PARD3: variants seen among roughly 807,000 people sequenced by gnomAD.
PARD3 encodes the protein par-3 family cell polarity regulator, also known as partitioning defective 3 homolog.
PARD3 carries 75 observed loss-of-function variants against 155.4 expected under a neutral mutation model. The observed-to-expected ratio is 0.48, with a 90% CI of 0.40 to 0.58. The LOEUF (loss-of-function observed/expected upper bound fraction) is 0.58. Among genes scored for constraint, PARD3 ranks in the 20% least tolerant of loss-of-function variants. The pLI is 0.00. For synonymous variants in PARD3, 576 were observed against 610.5 expected (o/e 0.94, Z 0.83); for missense variants, 1,642 against 1,721.7 (o/e 0.95, Z 0.82).
chr10:34,724,945 T>C (rs1198793625), intron 1 of PARD3, among the ~76,000 whole-genome samples: 1 of 152,152 alleles, frequency 6.6e-6, no homozygotes, highest in Non-Finnish European at 1.5e-5. Context: ...CATCAGCTCA[T>C]TCAGTACAAG....
At chr10:34,422,116 AG>A (rs1438513343) in intron 5 of PARD3, among the ~76,000 whole-genome samples, 2 of 152,154 alleles carry the variant, frequency 1.3e-5, no homozygotes, top group Non-Finnish European at 2.9e-5. Flanking sequence ...TAGGAATCTC[AG>A]TTTATGAATA....
chr10:34,140,258 G>GA (rs950762658), intron 22 of PARD3, among the ~76,000 whole-genome samples: 15 of 152,118 alleles, frequency 9.9e-5, no homozygotes, highest in Admixed American at 3.3e-4. Flanking sequence ...TCTTCTTGGA[G>GA]AAAAAACCTT....
At chr10:34,788,182 T>C (rs924082213) in intron 1 of PARD3, among the ~76,000 whole-genome samples, 1 of 152,100 alleles carries the variant, frequency 6.6e-6, no homozygotes, top group African/African-American at 2.4e-5. Flanking sequence ...TCAGGAAACT[T>C]TTGAATTTCA....
chr10:34,771,252 T>G (rs9418118), intron 1 of PARD3, among the ~76,000 whole-genome samples: 38,867 of 152,144 alleles, frequency 0.26, 5,403 homozygotes, highest in East Asian at 0.53. Flanking sequence ...AATGGTTACA[T>G]CAGGAAGAAA....
intron 2 of PARD3, among the ~76,000 whole-genome samples, chr10:34,639,024 T>C (rs533552474): frequency 2.0e-5 from 3 of 152,318 alleles, no homozygotes; most frequent in East Asian, 3.9e-4. Context: ...TAGCATAATG[T>C]CTAAAATTTC....
At position 34,515,204 on chromosome 10, in the gene PARD3, C is replaced by T. The variant is rs144444752; in HGVS notation, c.403+1775G>A. ...TACCACCTGCACATCATTTTGTATA[C>T]GCTGTATGGTACATGCCTCACCTTT... On this transcript the variant is annotated intron_variant, in intron 3 of 24. Coordinates refer to ENST00000374788, the MANE Select transcript of PARD3 (RefSeq NM_001184785.2). 8.5e-5 allele frequency among the ~76,000 whole-genome samples: 13 copies of T among 152,256 alleles called. No homozygotes were observed. In the East Asian group the frequency reaches 1.9e-3, roughly 23 times the overall value.
Position 34,337,297 on chromosome 10 carries a change from T to C in PARD3, c.2538A>G (p.Lys846=). The C allele has an allele frequency of 6.3e-7, 1 of 1,599,788 alleles. No homozygotes were observed. The highest frequency in any genetic ancestry group is 1.7e-5 in the Admixed American group (1 of 57,342). ...ASQLDFVKTR[K]SKSMDLGIAD... is the part of the protein sequence containing the mutation. ...CACTACCTAAATCCATGCTTTTTGA[T>C]TTTCGTGTTTTAACGAAATCCAATT... The change falls in exon 17 of 25, where the codon AAA becomes AAG. Residue 846 remains lysine (K), a synonymous_variant. Transcript: ENST00000374788.
At chr10:34,347,427 G>A (rs144520007) in intron 15 of PARD3, among the ~76,000 whole-genome samples, 70 of 152,030 alleles carry the variant, frequency 4.6e-4, no homozygotes, top group Admixed American at 3.0e-3. Context: ...GACTAGTTTC[G>A]CGATTTTAAA....
intron 22 of PARD3, among the ~76,000 whole-genome samples, chr10:34,136,939 T>G (rs527474000): frequency 1.3e-5 from 2 of 152,198 alleles, no homozygotes; most frequent in South Asian, 4.1e-4. Flanking sequence ...CCATTCAACA[T>G]GTACATATCT....
chr10:34,742,315 G>A (rs991207060), intron 1 of PARD3, among the ~76,000 whole-genome samples: 2 of 152,152 alleles, frequency 1.3e-5, no homozygotes, highest in African/African-American at 4.8e-5. Flanking sequence ...CAGTAGTCAC[G>A]ATAAATATCA....
intron 1 of PARD3, among the ~76,000 whole-genome samples, chr10:34,727,700 A>G (rs1412744746): frequency 6.6e-6 from 1 of 152,030 alleles, no homozygotes; most frequent in African/African-American, 2.4e-5. Flanking sequence ...CCAATCACAC[A>G]CACTGTTGCC....
intron 3 of PARD3, among the ~76,000 whole-genome samples, chr10:34,494,443 T>C (rs535165468): frequency 1.3e-5 from 2 of 152,328 alleles, no homozygotes; most frequent in East Asian, 1.9e-4. Context: ...TGAAGGTTTT[T>C]AAGCATGGAG....
chr10:34,524,065 G>T (rs2082319699), intron 2 of PARD3, among the ~76,000 whole-genome samples: 1 of 151,958 alleles, frequency 6.6e-6, no homozygotes, highest in Non-Finnish European at 1.5e-5. Flanking sequence ...GTGATAACCT[G>T]TGGCACTTAC....
intron 2 of PARD3, among the ~76,000 whole-genome samples, chr10:34,612,010 T>C (rs2090944127): frequency 6.7e-6 from 1 of 148,190 alleles, no homozygotes; most frequent in Non-Finnish European, 1.5e-5. Flanking sequence ...GTATTTTTAG[T>C]AGAGACGGGG....
intron 1 of PARD3, among the ~76,000 whole-genome samples, chr10:34,758,715 C>A (rs1837054649): frequency 6.6e-6 from 1 of 152,126 alleles, no homozygotes; most frequent in African/African-American, 2.4e-5. Flanking sequence ...TACTCATTCA[C>A]AGAAGAAAAA....
intron 16 of PARD3, among the ~76,000 whole-genome samples, chr10:34,337,641 ACT>A (rs1400330203): frequency 4.6e-5 from 7 of 151,966 alleles, no homozygotes; most frequent in Admixed American, 2.6e-4. Context: ...TTTTAGAGTA[ACT>A]CTTTCTCCAT....
At chr10:34,532,183 A>T (rs2133807398) in intron 2 of PARD3, among the ~76,000 whole-genome samples, 1 of 152,262 alleles carries the variant, frequency 6.6e-6, no homozygotes, top group South Asian at 2.1e-4. Context: ...TGTATATTTT[A>T]TGGTTGTAAA....
chr10:34,773,307 A>G (rs1458094319), intron 1 of PARD3, among the ~76,000 whole-genome samples: 4 of 152,166 alleles, frequency 2.6e-5, no homozygotes, highest in Admixed American at 2.0e-4. Context: ...TAGTACAAGC[A>G]TGTTTCATTC....
intron 2 of PARD3, among the ~76,000 whole-genome samples, chr10:34,594,943 T>C (rs1564392533): frequency 6.6e-6 from 1 of 152,238 alleles, no homozygotes; most frequent in South Asian, 2.1e-4. Context: ...AGTTTCTCCA[T>C]GTAGCACCTT....
Sources: gnomAD v4.1 joint callset for allele counts (sites outside exome capture counted in the v4.1 genomes callset) on GRCh38, gnomAD v4.1.1 for gene constraint, MANE v1.5 for transcripts, NCBI Gene and HGNC (gene_info 2026-07-23, HGNC 2026-07-21) for gene names.